The following SOX30 variants were observed in gnomAD, a reference collection of about 807,000 sequenced individuals.
SOX30 encodes SRY-box transcription factor 30, also known as transcription factor SOX-30.
Under a neutral mutation model 58.6 loss-of-function variants are expected in SOX30, and 17 were observed. The observed-to-expected ratio is 0.29, with a 90% CI of 0.20 to 0.44. SOX30 has a LOEUF of 0.44. Ranked by LOEUF, SOX30 falls within the 20% of genes least tolerant of loss-of-function variation. The probability of loss-of-function intolerance (pLI) is 1.00; values close to 1 mark genes in which losing one functional copy is unlikely to be tolerated. For missense variants in SOX30, 951 were observed against 965.8 expected, an observed-to-expected ratio of 0.98 and a Z score of 0.20; for synonymous variants, 421 against 400.2, an observed-to-expected ratio of 1.05 and a Z score of -0.62.
chr5:157,638,392 G>A lies in SOX30; in HGVS notation c.1718C>T (p.Pro573Leu), dbSNP rs1203969817. The change falls in exon 4 of 5, where the codon CCT (proline) becomes CTT (leucine). Residue 573 changes from proline to leucine, a missense_variant. Physicochemically the swap from Pro to Leu is moderately conservative, Grantham distance 98. Around this residue, in one of 7 missense-constraint regions of SOX30, gnomAD observed 381 missense variants for 390.0 expected, o/e 0.98. Transcript: ENST00000265007. Reference protein sequence around the residue: ...QPPREYSSVSPCPRSAPIPQA... With the variant: ...QPPREYSSVSLCPRSAPIPQA... ...GGGGATTGGAGCACTTCTGGGACAA[G>A]GGGAAACGCTGGAATACTCCCTAGG... 5.6e-6 allele frequency: 9 copies of A among 1,613,818 alleles called. No individual in the cohort carries two copies. Among genetic ancestry groups the A allele is most frequent in the Admixed American group, 3.3e-5 (2 of 59,964 alleles).
At chr5:157,638,001 T>C (rs1758970985) in intron 4 of SOX30, among the ~76,000 whole-genome samples, 1 of 152,144 alleles carries the variant, frequency 6.6e-6, no homozygotes, top group South Asian at 2.1e-4. Context: ...GCCTATATTC[T>C]TATGTAACAA....
chr5:157,634,783 G>A (rs182008366), intron 4 of SOX30, among the ~76,000 whole-genome samples: 17 of 152,234 alleles, frequency 1.1e-4, no homozygotes, highest in Admixed American at 1.0e-3. Flanking sequence ...GAATAGCTGG[G>A]ATTACAGGTG....
chr5:157,626,055 G>A lies in SOX30; in HGVS notation c.*285C>T. ...CCTCACATACAACTGTGAGGCTTCA[G>A]TATTTTGCATGTTCCAGGATAAAGT... On this transcript the variant is annotated 3_prime_UTR_variant, in exon 5 of 5. Coordinates refer to ENST00000265007, the MANE Select transcript of SOX30 (RefSeq NM_178424.2). 1.2e-5 allele frequency: 3 copies of A among 260,084 alleles called. No individual in the cohort carries two copies. Among genetic ancestry groups the A allele is most frequent in the Non-Finnish European group, 2.2e-5 (3 of 138,816 alleles). 16.1% of individuals were successfully genotyped at this position (260,084 alleles called of 1,614,324 possible).
At chr5:157,628,098 T>G (rs937785667) in intron 4 of SOX30, among the ~76,000 whole-genome samples, 1 of 152,094 alleles carries the variant, frequency 6.6e-6, no homozygotes, top group African/African-American at 2.4e-5. Context: ...GAGGATCGTT[T>G]GAGCCCAGGA....
intron 2 of SOX30, among the ~76,000 whole-genome samples, chr5:157,667,219 A>G (rs1759691410): frequency 6.6e-6 from 1 of 152,160 alleles, no homozygotes; most frequent in Non-Finnish European, 1.5e-5. Flanking sequence ...TGAAATAAAG[A>G]GATGAGCTCA....
intron 3 of SOX30, among the ~76,000 whole-genome samples, chr5:157,644,468 C>T (rs1759142295): frequency 6.6e-6 from 1 of 152,216 alleles, no homozygotes; most frequent in African/African-American, 2.4e-5. Flanking sequence ...ACCCTACCAA[C>T]ATTAGAAGAA....
At chr5:157,665,472 TA>T (rs1321554930) in intron 2 of SOX30, among the ~76,000 whole-genome samples, 1 of 151,962 alleles carries the variant, frequency 6.6e-6, no homozygotes, top group Non-Finnish European at 1.5e-5. Flanking sequence ...CGGGGAGGGA[TA>T]GCTTTAGGAG....
At position 157,660,322 on chromosome 5, in the gene SOX30, C is replaced by T. The variant is rs544920741; in HGVS notation, c.52+7476G>A. Among the ~76,000 whole-genome samples, 30 of 151,952 alleles carry T rather than the reference C, an allele frequency of 2.0e-4. No homozygotes were observed. The South Asian group carries it at 4.6e-3, about 23-fold the overall frequency. On this transcript the variant is annotated intron_variant, in intron 2 of 5. Coordinates refer to the SOX30 transcript ENST00000519442. ...CTGTAGTCCTAGCTACTCGGGAGGC[C>T]GAGGCTGGAGAATTGCTTGAGTTCA...
rs1480652766 is a variant in SOX30 at position 157,648,785 on chromosome 5, G to A, written c.1079C>T (p.Pro360Leu). ...IHRPALAKANPAANNAEISVQ... is the reference protein window; with the variant it reads ...IHRPALAKANLAANNAEISVQ... ...ACTGATTTCTGCATTGTTGGCTGCTGGGTTAGCTTTGGCTAGTGCTGGTCG... is the reference window on the plus strand; with the variant it reads ...ACTGATTTCTGCATTGTTGGCTGCTAGGTTAGCTTTGGCTAGTGCTGGTCG... The change falls in exon 2 of 5, where the codon CCA (proline) becomes CTA (leucine). Residue 360 changes from proline to leucine, a missense_variant. Around this residue, in one of 7 missense-constraint regions of SOX30, gnomAD observed 57 missense variants for 104.0 expected, o/e 0.55. Coordinates refer to ENST00000265007, the MANE Select transcript of SOX30 (RefSeq NM_178424.2). The A allele has an allele frequency of 6.2e-7, 1 of 1,613,274 alleles. No homozygotes were observed. Among genetic ancestry groups the A allele is most frequent in the Non-Finnish European group, 8.5e-7 (1 of 1,179,942 alleles).
chr5:157,651,522 A>G lies in SOX30; in HGVS notation c.557T>C (p.Leu186Pro). ...GTCTCTCATGACCTCCTCCGCCTCC[A>G]GCTTGCCCTTCTCGTCCCCTCGGAA... is the stretch of plus-strand genomic sequence containing the variant. The part of the protein sequence containing the change: ...GYFRGDEKGK[L>P]EAEEVMRDSM... Residue 186 changes from leucine (L) to proline (P), a missense_variant, in exon 1 of 5, where the codon CTG becomes CCG. This residue lies in a region of SOX30 where 363 missense variants were observed against 294.5 expected (regional missense o/e 1.23). Coordinates refer to ENST00000265007, the MANE Select transcript of SOX30 (RefSeq NM_178424.2). 1 of 1,613,170 alleles carries G rather than the reference A, an allele frequency of 6.2e-7. No individual in the cohort carries two copies. The highest frequency in any genetic ancestry group is 2.2e-5 in the East Asian group (1 of 44,858).
At chr5:157,646,088 T>C (rs565898434) in intron 3 of SOX30, among the ~76,000 whole-genome samples, 10 of 151,504 alleles carry the variant, frequency 6.6e-5, no homozygotes, top group East Asian at 1.9e-4. Context: ...TATTAAGATA[T>C]TAGGTTGTCA....
chr5:157,634,025 G>A (rs1758868886), intron 4 of SOX30, among the ~76,000 whole-genome samples: 1 of 152,196 alleles, frequency 6.6e-6, no homozygotes, highest in Non-Finnish European at 1.5e-5. Flanking sequence ...CAGAAAGAGA[G>A]CATTTTGACA....
At position 157,667,180 on chromosome 5, in the gene SOX30, G is replaced by A. The variant is rs541071140; in HGVS notation, c.52+618C>T. 3.3e-5 allele frequency among the ~76,000 whole-genome samples: 5 copies of A among 152,284 alleles called. No homozygotes were observed. The South Asian group carries it at 1.0e-3, about 32-fold the overall frequency. On this transcript the variant is annotated intron_variant, in intron 2 of 5. Transcript: ENST00000519442. The stretch of plus-strand genomic sequence containing the variant: ...CCAAGAAGTGGAGGGATGGGACGTA[G>A]GAGTCCTGACTGCTGCCCCAGACTC...
Position 157,638,516 on chromosome 5 carries a change from C to T in SOX30, c.1594G>A (p.Val532Met). ...AGAGAGACAGGAGTGGGTTGCTTCA[C>T]AGTGTGAGTGGCTTCAGAATGCAGC... ...HQLHSEATHT[V>M]KQPTPVSLES... The change falls in exon 4 of 5, where the codon GTG (valine) becomes ATG (methionine). Residue 532 changes from valine (V) to methionine (M), a missense_variant. This residue lies in a region of SOX30 where 381 missense variants were observed against 390.0 expected (regional missense o/e 0.98). Transcript: ENST00000265007. 1 of 1,614,148 alleles carries T rather than the reference C, an allele frequency of 6.2e-7. No individual in the cohort carries two copies. Among genetic ancestry groups the T allele is most frequent in the Non-Finnish European group, 8.5e-7 (1 of 1,180,024 alleles).
intron 1 of SOX30, among the ~76,000 whole-genome samples, chr5:157,670,264 GT>G: frequency 6.6e-6 from 1 of 152,322 alleles, no homozygotes; most frequent in South Asian, 2.1e-4. Context: ...ACTGTATTAG[GT>G]GTTGGAGATA....
intron 2 of SOX30, among the ~76,000 whole-genome samples, chr5:157,666,518 CACACA>C (rs1759676275): frequency 6.8e-6 from 1 of 147,012 alleles, no homozygotes; most frequent in African/African-American, 2.7e-5. Context: ...CACACACACA[CACACA>C]CACACCTCAG....
intron 1 of SOX30, among the ~76,000 whole-genome samples, chr5:157,669,931 C>G (rs1477780142): frequency 6.6e-6 from 1 of 152,112 alleles, no homozygotes; most frequent in Non-Finnish European, 1.5e-5. Flanking sequence ...CTGCCAACGC[C>G]CTAGACTCAA....
intron 3 of SOX30, among the ~76,000 whole-genome samples, chr5:157,639,358 T>C (rs567619823): frequency 1.7e-3 from 252 of 152,278 alleles, no homozygotes; most frequent in Non-Finnish European, 2.9e-3. Context: ...TTTTCTTTTA[T>C]AAACTTCTCT....
intron 2 of SOX30, among the ~76,000 whole-genome samples, chr5:157,659,197 A>T (rs766105897): frequency 6.6e-6 from 1 of 152,230 alleles, no homozygotes; most frequent in Non-Finnish European, 1.5e-5. Context: ...ACGTGCTTTC[A>T]CTTTACTCTG....
Sources: gnomAD v4.1 joint callset for allele counts (sites outside exome capture counted in the v4.1 genomes callset) on GRCh38, gnomAD v4.1.1 for gene constraint, gnomAD v4.1.1 regional missense constraint, MANE v1.5 for transcripts, NCBI Gene and HGNC (gene_info 2026-07-23, HGNC 2026-07-21) for gene names.